Variants in LYN observed in about 807,000 individuals in gnomAD.
LYN encodes the protein LYN proto-oncogene, Src family tyrosine kinase.
In LYN, 12 loss-of-function variants were observed where a neutral mutation model predicts 65.0. That is an observed-to-expected ratio of 0.18 (90% CI 0.12 to 0.30). The LOEUF (loss-of-function observed/expected upper bound fraction) is 0.30. Among genes scored for constraint, LYN ranks in the 10% least tolerant of loss-of-function variants. The pLI is 1.00. For synonymous variants in LYN, 222 were observed against 221.2 expected (o/e 1.00, Z -0.03); for missense variants, 380 against 623.2 (o/e 0.61, Z 4.16).
chr8:55,957,448 T>C (rs1354554519), intron 8 of LYN, among the ~76,000 whole-genome samples: 2 of 152,218 alleles, frequency 1.3e-5, no homozygotes, highest in African/African-American at 4.8e-5. Context: ...TTAATCAGGA[T>C]GTACTGGTTC....
At chr8:55,948,406 C>G (rs16922462) in intron 4 of LYN, among the ~76,000 whole-genome samples, 1 of 152,014 alleles carries the variant, frequency 6.6e-6, no homozygotes, top group Non-Finnish European at 1.5e-5. Context: ...CCCAGCCTAG[C>G]TTGAGTTCTA....
At chr8:55,910,170 T>C (rs1805559152) in intron 1 of LYN, among the ~76,000 whole-genome samples, 2 of 152,178 alleles carry the variant, frequency 1.3e-5, no homozygotes, top group South Asian at 4.1e-4. Flanking sequence ...ATTTGTCTAC[T>C]TTTGTTTTTG....
Position 55,970,476 on chromosome 8 carries a change from T to A in LYN, c.1050+683T>A, listed in dbSNP as rs117474506. ...GCTTTTACTAGTTTCATTGTGTCCA[T>A]TAGTAATGTTCAGCAGTTTGCTTGC... On this transcript the variant is annotated intron_variant, in intron 10 of 12. Transcript: ENST00000519728. Among the ~76,000 whole-genome samples, 128 of 152,280 alleles carry A rather than the reference T, an allele frequency of 8.4e-4. 3 individuals carry two copies. The East Asian group carries it at 0.02, about 24-fold the overall frequency.
At chr8:55,919,089 G>A (rs1458969143) in intron 1 of LYN, among the ~76,000 whole-genome samples, 5 of 149,528 alleles carry the variant, frequency 3.3e-5, no homozygotes, top group African/African-American at 1.2e-4. Flanking sequence ...ACTGTTGAAT[G>A]TTGGTCTGTG....
At chr8:55,961,223 C>T (rs982735631) in intron 8 of LYN, among the ~76,000 whole-genome samples, 1 of 152,180 alleles carries the variant, frequency 6.6e-6, no homozygotes, top group Non-Finnish European at 1.5e-5. Context: ...AATTAGAGTG[C>T]TCTCAAGGTG....
At chr8:55,958,570 C>G (rs60016461) in intron 8 of LYN, among the ~76,000 whole-genome samples, 4,402 of 152,306 alleles carry the variant, frequency 0.029, 226 homozygotes, top group African/African-American at 0.1. Context: ...AATCTCCAGA[C>G]TCTCTTTTCA....
chr8:55,985,484 A>C (rs1808051241), intron 10 of LYN, among the ~76,000 whole-genome samples: 1 of 152,240 alleles, frequency 6.6e-6, no homozygotes, highest in Non-Finnish European at 1.5e-5. Context: ...AATTTGTTAG[A>C]TCTTGTTACA....
chr8:55,956,561 T>TA (rs1167707845), intron 8 of LYN, among the ~76,000 whole-genome samples: 1 of 152,226 alleles, frequency 6.6e-6, no homozygotes, highest in Non-Finnish European at 1.5e-5. Context: ...AGTAAATAAA[T>TA]ACTCTGTGGG....
At chr8:55,972,073 C>T (rs1807622970) in intron 10 of LYN, among the ~76,000 whole-genome samples, 1 of 152,172 alleles carries the variant, frequency 6.6e-6, no homozygotes, top group Non-Finnish European at 1.5e-5. Flanking sequence ...CCAGCCCGTG[C>T]CAGGTGAACT....
intron 1 of LYN, among the ~76,000 whole-genome samples, chr8:55,915,992 C>CT (rs1805772089): frequency 6.6e-6 from 1 of 152,076 alleles, no homozygotes; most frequent in Non-Finnish European, 1.5e-5. Context: ...TTAATGGCAT[C>CT]TTAATATTTT....
At chr8:55,912,810 A>G (rs147064165) in intron 1 of LYN, among the ~76,000 whole-genome samples, 1 of 152,210 alleles carries the variant, frequency 6.6e-6, no homozygotes, top group East Asian at 1.9e-4. Flanking sequence ...CACAGTTACA[A>G]TATTATATTT....
At chr8:56,000,394 C>T (rs1194825370) in intron 12 of LYN, among the ~76,000 whole-genome samples, 1 of 151,986 alleles carries the variant, frequency 6.6e-6, no homozygotes, top group Non-Finnish European at 1.5e-5. Context: ...AGATTCTGAC[C>T]ATCCCTCCAT....
chr8:55,884,023 A>C (rs1804718853), intron 1 of LYN, among the ~76,000 whole-genome samples: 1 of 152,206 alleles, frequency 6.6e-6, no homozygotes, highest in African/African-American at 2.4e-5. Flanking sequence ...AATGGTATGG[A>C]AATCTGCCAA....
chr8:56,010,265 C>G lies in LYN; in HGVS notation c.*155C>G. 1 of 695,188 alleles carries G rather than the reference C, an allele frequency of 1.4e-6. No individual in the cohort carries two copies. Among genetic ancestry groups the G allele is most frequent in the Admixed American group, 2.8e-5 (1 of 35,594 alleles). The allele number at this position is 695,188 out of a possible 1,614,324, so 43.1% of individuals were successfully genotyped here. ...CTAAATTACTCAGGAAGAACACCCT[C>G]TAAATGGGAAAGTATTCTGTACTCT... On this transcript the variant is annotated 3_prime_UTR_variant, in exon 13 of 13. Transcript: ENST00000519728.
chr8:55,923,468 G>A (rs912085135), intron 1 of LYN, among the ~76,000 whole-genome samples: 1 of 152,150 alleles, frequency 6.6e-6, no homozygotes, highest in Non-Finnish European at 1.5e-5. Context: ...CATTCTGAGT[G>A]TCTATAATTT....
At chr8:55,951,206 G>C (rs1288391172) in intron 6 of LYN, among the ~76,000 whole-genome samples, 1 of 151,768 alleles carries the variant, frequency 6.6e-6, no homozygotes, top group Non-Finnish European at 1.5e-5. Flanking sequence ...TCACGCCACT[G>C]CACTCTAACT....
intron 10 of LYN, among the ~76,000 whole-genome samples, chr8:55,981,502 A>T (rs748001021): frequency 6.6e-6 from 1 of 152,174 alleles, no homozygotes; most frequent in Non-Finnish European, 1.5e-5. Context: ...CTAGAAGAAC[A>T]TATTTTTTGT....
chr8:55,915,788 A>C (rs1251857534), intron 1 of LYN, among the ~76,000 whole-genome samples: 1 of 152,112 alleles, frequency 6.6e-6, no homozygotes, highest in East Asian at 1.9e-4. Context: ...AAAGAGAGAG[A>C]GAGAAAGAGA....
At chr8:55,907,003 C>T (rs1198809493) in intron 1 of LYN, among the ~76,000 whole-genome samples, 1 of 152,172 alleles carries the variant, frequency 6.6e-6, no homozygotes, top group African/African-American at 2.4e-5. Context: ...ACAGGTATAG[C>T]CACTTGCAGG....
Sources: allele counts gnomAD v4.1 joint callset (sites outside exome capture counted in the v4.1 genomes callset), GRCh38; gene constraint gnomAD v4.1.1; transcripts MANE v1.5; gene names NCBI Gene and HGNC (gene_info 2026-07-23, HGNC 2026-07-21).